The following MCF2 variants were observed in gnomAD, a reference collection of about 807,000 sequenced individuals.
MCF2 encodes MCF.2 cell line derived transforming sequence.
Under a neutral mutation model 82.5 loss-of-function variants are expected in MCF2, and 44 were observed. That is an observed-to-expected ratio of 0.53 (90% CI 0.42 to 0.69). The LOEUF (loss-of-function observed/expected upper bound fraction) is 0.69. Ranked by LOEUF, MCF2 falls within the 30% of genes least tolerant of loss-of-function variation. MCF2 has a pLI of 0.00. For synonymous variants in MCF2, 217 were observed against 224.9 expected (o/e 0.96, Z 0.32); for missense variants, 623 against 663.1 (o/e 0.94, Z 0.66).
intron 2 of MCF2, among the ~76,000 whole-genome samples, chrX:139,650,949 G>A (rs1933982328): frequency 8.9e-6 from 1 of 111,760 alleles, no homozygotes; most frequent in African/African-American, 3.3e-5. Context: ...CATACCTTAT[G>A]ATTCATTTAC....
chrX:139,588,929 C>CAA (rs755726039), intron 20 of MCF2, among the ~76,000 whole-genome samples: 8 of 96,339 alleles, frequency 8.3e-5, no homozygotes, highest in African/African-American at 2.6e-4. Context: ...GACGCTGTCT[C>CAA]AAAAAAAAAA....
intron 1 of MCF2, among the ~76,000 whole-genome samples, chrX:139,679,960 T>C (rs1035417441): frequency 9.9e-5 from 11 of 111,314 alleles, no homozygotes; most frequent in Admixed American, 5.7e-4. Flanking sequence ...GACATGTTTG[T>C]ATGTGCTGCA....
intron 1 of MCF2, among the ~76,000 whole-genome samples, chrX:139,668,851 T>C (rs1397600406): frequency 2.7e-5 from 3 of 110,998 alleles, no homozygotes; most frequent in African/African-American, 3.3e-5. Flanking sequence ...AATAACAGGA[T>C]ATCTACATAT....
chrX:139,668,460 T>C (rs1028279101), intron 1 of MCF2, among the ~76,000 whole-genome samples: 1 of 111,307 alleles, frequency 9.0e-6, no homozygotes, highest in Admixed American at 9.6e-5. Flanking sequence ...TTTGAGAAGA[T>C]AGAGGGCCTC....
intron 19 of MCF2, among the ~76,000 whole-genome samples, chrX:139,595,526 A>G (rs1929989588): frequency 1.1e-5 from 1 of 93,521 alleles, no homozygotes; most frequent in Non-Finnish European, 2.1e-5. Flanking sequence ...GAATTGAACA[A>G]TGAGAACACA....
chrX:139,595,012 C>A (rs1929923729), intron 19 of MCF2, among the ~76,000 whole-genome samples: 1 of 110,718 alleles, frequency 9.0e-6, no homozygotes, highest in Non-Finnish European at 1.9e-5. Flanking sequence ...AAATGCAAAT[C>A]AAAACCACAA....
intron 9 of MCF2, among the ~76,000 whole-genome samples, chrX:139,615,647 A>T (rs1931842803): frequency 8.9e-6 from 1 of 111,830 alleles, no homozygotes; most frequent in South Asian, 3.7e-4. Context: ...TATTCCGCTA[A>T]GCATGGATCT....
At chrX:139,599,536 T>C (rs1176430985) in intron 16 of MCF2, among the ~76,000 whole-genome samples, 1 of 110,409 alleles carries the variant, frequency 9.1e-6, no homozygotes, top group Non-Finnish European at 1.9e-5. Flanking sequence ...TAAACATCTC[T>C]TCCCTGCCCT....
intron 1 of MCF2, among the ~76,000 whole-genome samples, chrX:139,659,571 A>C (rs1325851673): frequency 1.8e-5 from 2 of 111,218 alleles, no homozygotes; most frequent in African/African-American, 6.5e-5. Flanking sequence ...CATTTATCCA[A>C]CCTCTCTGGG....
chrX:139,688,343 C>A (rs767404154), intron 1 of MCF2, among the ~76,000 whole-genome samples: 21 of 111,456 alleles, frequency 1.9e-4, no homozygotes, highest in Non-Finnish European at 3.6e-4. Context: ...AGCTTCTCAT[C>A]CAAAATGGAT....
At position 139,642,468 on chromosome X, in the gene MCF2, C is replaced by T. The variant is rs746578549; in HGVS notation, c.51G>A (p.Ala17=). 23 of 1,211,373 alleles carry T rather than the reference C, an allele frequency of 1.9e-5. No individual in the cohort carries two copies. The Admixed American group carries it at 2.2e-4, about 11-fold the overall frequency. ...CCAGGAGTGCAGACAGAGCCCTTAC[C>T]GCATTCCTTCTGAACCTCATCTTGC... The change falls in exon 1 of 25, where the codon GCG becomes GCA. Residue 17 remains alanine, a splice_region_variant and synonymous_variant. Transcript: ENST00000370576.
chrX:139,631,353 T>G, intron 3 of MCF2, 42 bp downstream of exon 6: 2 of 741,449 alleles, frequency 2.7e-6, no homozygotes, highest in Non-Finnish European at 4.0e-6. Context: ...AAGGCTAACA[T>G]GAAGAACTAT....
intron 1 of MCF2, among the ~76,000 whole-genome samples, chrX:139,667,894 G>A (rs1934572309): frequency 8.9e-6 from 1 of 112,080 alleles, no homozygotes. Context: ...GCTGGCTCAT[G>A]CCTGTAATGC....
chrX:139,604,930 G>A, exon 14 of MCF2: 3 of 1,202,511 alleles, frequency 2.5e-6, no homozygotes, highest in Non-Finnish European at 3.4e-6. Flanking sequence ...TTATTTCTCA[G>A]GAGAGGTGGC....
At chrX:139,617,732 G>A (rs1221627101) in intron 7 of MCF2, 28 bp from the exon 11 acceptor site, 4 of 962,173 alleles carry the variant, frequency 4.2e-6, no homozygotes, top group Non-Finnish European at 5.6e-6. Context: ...AAAAAATAAT[G>A]AATACATGAT....
chrX:139,697,675 G>T, intron 1 of MCF2, among the ~76,000 whole-genome samples: 1 of 111,910 alleles, frequency 8.9e-6, no homozygotes, highest in African/African-American at 3.2e-5. Context: ...ACATTGACTT[G>T]ATGTTTACCC....
At chrX:139,701,328 AG>A (rs1276099695) in intron 1 of MCF2, among the ~76,000 whole-genome samples, 2 of 112,032 alleles carry the variant, frequency 1.8e-5, no homozygotes, top group African/African-American at 6.5e-5. Flanking sequence ...CAACTTGGCT[AG>A]GCTATAATTA....
intron 1 of MCF2, among the ~76,000 whole-genome samples, chrX:139,705,377 T>C (rs964786563): frequency 9.0e-6 from 1 of 111,665 alleles, no homozygotes; most frequent in Non-Finnish European, 1.9e-5. Context: ...CATAGACCAA[T>C]GGAACAGAAT....
At chrX:139,623,888 G>T (rs1291045974) in intron 6 of MCF2, among the ~76,000 whole-genome samples, 1 of 111,896 alleles carries the variant, frequency 8.9e-6, no homozygotes, top group East Asian at 2.8e-4. Context: ...TCATTATTTT[G>T]CAACCATCAC....
Sources: gnomAD v4.1 joint callset for allele counts (sites outside exome capture counted in the v4.1 genomes callset) on GRCh38, gnomAD v4.1.1 for gene constraint, MANE v1.5 for transcripts, NCBI Gene and HGNC (gene_info 2026-07-23, HGNC 2026-07-21) for gene names.